NKAIN2: variants seen among roughly 807,000 people sequenced by gnomAD.
NKAIN2 encodes sodium/potassium transporting ATPase interacting 2.
In NKAIN2, 14 loss-of-function variants were observed where a neutral mutation model predicts 32.6. The observed-to-expected ratio is 0.43, with a 90% confidence interval of 0.28 to 0.67. The LOEUF (loss-of-function observed/expected upper bound fraction) is 0.67. Among genes scored for constraint, NKAIN2 ranks in the 30% least tolerant of loss-of-function variants. The pLI is 0.17. For missense variants in NKAIN2, 198 were observed against 258.3 expected (o/e 0.77, Z 1.60); for synonymous variants, 80 against 87.2 (o/e 0.92, Z 0.46).
intron 1 of NKAIN2, among the ~76,000 whole-genome samples, chr6:124,036,729 A>G (rs148233313): frequency 5.8e-4 from 88 of 152,252 alleles, no homozygotes; most frequent in African/African-American, 2.1e-3. Context: ...TATACCCTAT[A>G]GGAATCAGTC....
intron 1 of NKAIN2, among the ~76,000 whole-genome samples, chr6:124,256,568 A>G (rs1407507728): frequency 1.3e-5 from 2 of 152,180 alleles, no homozygotes; most frequent in African/African-American, 4.8e-5. Context: ...TTTCTTTTTC[A>G]GTAGTTTAGT....
chr6:124,232,819 A>G (rs1466057911), intron 1 of NKAIN2, among the ~76,000 whole-genome samples: 2 of 152,192 alleles, frequency 1.3e-5, no homozygotes, highest in Admixed American at 1.3e-4. Flanking sequence ...TGTTACTCAC[A>G]GTGCTTGTGT....
intron 6 of NKAIN2, among the ~76,000 whole-genome samples, chr6:124,820,416 C>G (rs950680818): frequency 6.6e-6 from 1 of 151,982 alleles, no homozygotes; most frequent in East Asian, 1.9e-4. Context: ...TCTGATTGCT[C>G]TGAAATTATA....
At chr6:124,503,414 A>G (rs765566859) in intron 3 of NKAIN2, among the ~76,000 whole-genome samples, 17 of 152,094 alleles carry the variant, frequency 1.1e-4, no homozygotes, top group Non-Finnish European at 2.1e-4. Flanking sequence ...TAGGAGTGTT[A>G]AGGTTACTTG....
In NKAIN2 at chr6:123,950,914, G is replaced by A. The variant is rs187496135; in HGVS notation, c.54+146660G>A. On this transcript the variant is annotated intron_variant, in intron 1 of 6. Transcript: ENST00000368417. ...TTTGGAATCTTTCTACTTTTCTGAT[G>A]TAAGTGTTTATTGTTATAAATTTTC... Among the ~76,000 whole-genome samples, 417 of 152,004 alleles carry A rather than the reference G, an allele frequency of 2.7e-3. 2 individuals carry two copies. The highest frequency in any genetic ancestry group is 9.5e-3 in the African/African-American group (396 of 41,526).
chr6:124,403,364 T>C (rs566790051), intron 3 of NKAIN2, among the ~76,000 whole-genome samples: 152 of 152,284 alleles, frequency 1.0e-3, no homozygotes, highest in Admixed American at 1.9e-3. Flanking sequence ...ATAAATTACA[T>C]ATACATTCAT....
chr6:124,329,681 C>T (rs1396239190), intron 2 of NKAIN2, among the ~76,000 whole-genome samples: 1 of 152,168 alleles, frequency 6.6e-6, no homozygotes, highest in African/African-American at 2.4e-5. Context: ...AGAGAAGACA[C>T]CTACACTTGC....
At chr6:124,445,719 GT>G (rs1775861603) in intron 3 of NKAIN2, among the ~76,000 whole-genome samples, 1 of 151,646 alleles carries the variant, frequency 6.6e-6, no homozygotes, top group Non-Finnish European at 1.5e-5. Context: ...ACTGCCAAGT[GT>G]TGGGACATTA....
chr6:124,512,160 C>G (rs1228328368), intron 3 of NKAIN2, among the ~76,000 whole-genome samples: 1 of 152,106 alleles, frequency 6.6e-6, no homozygotes, highest in African/African-American at 2.4e-5. Context: ...TAAAATCATC[C>G]TTTGGAGACT....
intron 3 of NKAIN2, among the ~76,000 whole-genome samples, chr6:124,542,548 T>A (rs556544708): frequency 6.6e-6 from 1 of 152,128 alleles, no homozygotes; most frequent in Non-Finnish European, 1.5e-5. Flanking sequence ...AAGCACTGTT[T>A]GAAGACCTCC....
intron 1 of NKAIN2, among the ~76,000 whole-genome samples, chr6:123,912,043 C>A (rs1193340121): frequency 1.3e-5 from 2 of 151,438 alleles, no homozygotes; most frequent in African/African-American, 4.8e-5. Flanking sequence ...GGAATAATGG[C>A]AGCTCAATAA....
At chr6:124,675,394 T>C (rs1217166384) in intron 4 of NKAIN2, among the ~76,000 whole-genome samples, 1 of 152,092 alleles carries the variant, frequency 6.6e-6, no homozygotes, top group Non-Finnish European at 1.5e-5. Context: ...ATCAGGACAA[T>C]GTTGGCCATA....
At chr6:124,598,809 CT>C (rs1782196121) in intron 3 of NKAIN2, among the ~76,000 whole-genome samples, 1 of 152,024 alleles carries the variant, frequency 6.6e-6, no homozygotes, top group Admixed American at 6.6e-5. Context: ...TCCTAATTAT[CT>C]TTTCATAGAT....
intron 4 of NKAIN2, among the ~76,000 whole-genome samples, chr6:124,746,233 TAA>T (rs1777445780): frequency 6.6e-6 from 1 of 151,814 alleles, no homozygotes; most frequent in African/African-American, 2.4e-5. Flanking sequence ...CAAATTACAA[TAA>T]AAGTAAACAT....
chr6:124,166,293 T>C (rs1399391829), intron 1 of NKAIN2, among the ~76,000 whole-genome samples: 111 of 151,876 alleles, frequency 7.3e-4, no homozygotes, highest in African/African-American at 2.6e-3. Context: ...TTTCATGTGT[T>C]TTTTGGCTGC....
At chr6:124,261,265 ACT>A (rs1455469496) in intron 1 of NKAIN2, among the ~76,000 whole-genome samples, 2 of 151,704 alleles carry the variant, frequency 1.3e-5, no homozygotes, top group Non-Finnish European at 2.9e-5. Flanking sequence ...TTTCTTTTTT[ACT>A]CTCTTTCTTT....
At chr6:124,638,371 A>G (rs771283657) in intron 3 of NKAIN2, among the ~76,000 whole-genome samples, 1 of 152,212 alleles carries the variant, frequency 6.6e-6, no homozygotes, top group Non-Finnish European at 1.5e-5. Context: ...TATGGGTAAG[A>G]CTTCAAATGC....
chr6:124,544,056 C>T (rs1780003915), intron 3 of NKAIN2, among the ~76,000 whole-genome samples: 1 of 152,080 alleles, frequency 6.6e-6, no homozygotes, highest in South Asian at 2.1e-4. Flanking sequence ...TCAAATAATG[C>T]CTCCTAAAGG....
At chr6:124,527,723 T>C (rs1330483951) in intron 3 of NKAIN2, among the ~76,000 whole-genome samples, 2 of 152,128 alleles carry the variant, frequency 1.3e-5, no homozygotes, top group Admixed American at 6.6e-5. Flanking sequence ...TAGAGAGCTA[T>C]TGGGACACTT....
Sources: gnomAD v4.1 joint callset for allele counts (sites outside exome capture counted in the v4.1 genomes callset) on GRCh38, gnomAD v4.1.1 for gene constraint, MANE v1.5 for transcripts, NCBI Gene and HGNC (gene_info 2026-07-23, HGNC 2026-07-21) for gene names.